SORL1: variants seen among roughly 807,000 people sequenced by gnomAD.
The protein encoded by SORL1 is sortilin-related receptor.
Under a neutral mutation model 273.7 loss-of-function variants are expected in SORL1, and 127 were observed. The ratio of observed to expected loss-of-function variants is 0.46; its 90% CI spans 0.40 to 0.54. The LOEUF is 0.54. SORL1 is among the 20% of genes least tolerant of loss of function. The pLI, the probability that SORL1 is intolerant of heterozygous loss-of-function variation, is 0.00. For missense variants in SORL1, 2,494 were observed against 2,846.1 expected, an observed-to-expected ratio of 0.88 and a Z score of 2.81; for synonymous variants, 1,031 against 1,067.4, an observed-to-expected ratio of 0.97 and a Z score of 0.66.
intron 38 of SORL1, chr11:121,610,699 G>A (rs1046836111): frequency 1.2e-5 from 2 of 167,300 alleles, no homozygotes; most frequent in East Asian, 1.7e-4. Context: ...TCAGCCTTCC[G>A]AAAGGACTTG....
At chr11:121,516,849 C>A (rs376124564) in intron 8 of SORL1, among the ~76,000 whole-genome samples, 1 of 151,898 alleles carries the variant, frequency 6.6e-6, no homozygotes, top group Non-Finnish European at 1.5e-5. Context: ...GTTAGGAGAT[C>A]GAGACCATCT....
At chr11:121,548,641 A>G (rs1862466895) in intron 14 of SORL1, among the ~76,000 whole-genome samples, 1 of 152,176 alleles carries the variant, frequency 6.6e-6, no homozygotes, top group Non-Finnish European at 1.5e-5. Flanking sequence ...ATCTTGGCTC[A>G]CTGCAACCTC....
rs947572565 is a variant in SORL1 at position 121,506,894 on chromosome 11, CT to C, written c.940-6102del. On this transcript the variant is annotated intron_variant, in intron 6 of 47. Transcript: ENST00000260197. Reference sequence around the variant, plus strand: ...GGATCCTTTATTACTTCATTACTGCCTTTTTTTGTATTAAATACAGATTTTC... The same window carrying C: ...GGATCCTTTATTACTTCATTACTGCCTTTTTTGTATTAAATACAGATTTTC... 2.6e-5 allele frequency among the ~76,000 whole-genome samples: 4 copies of C among 152,126 alleles called. No homozygotes were observed. In the South Asian group the frequency reaches 6.2e-4, roughly 24 times the overall value.
chr11:121,602,378 C>A (rs1388720996), intron 32 of SORL1, among the ~76,000 whole-genome samples: 1 of 152,162 alleles, frequency 6.6e-6, no homozygotes, highest in Non-Finnish European at 1.5e-5. Flanking sequence ...CCTAGAGACT[C>A]GTGCAAAGAA....
intron 3 of SORL1, among the ~76,000 whole-genome samples, chr11:121,480,408 A>G (rs929097593): frequency 3.3e-5 from 5 of 152,086 alleles, no homozygotes; most frequent in Admixed American, 6.5e-5. Context: ...GGATTTCTCA[A>G]TTTATTAAGT....
In SORL1 at chr11:121,452,654, C is replaced by T; in HGVS notation, c.285+38C>T. 2 of 1,412,416 alleles carry T rather than the reference C, an allele frequency of 1.4e-6. No individual in the cohort carries two copies. The highest frequency in any genetic ancestry group is 1.5e-5 in the South Asian group (1 of 66,586). 87.5% of individuals were successfully genotyped at this position (1,412,416 alleles called of 1,614,324 possible). A position where few individuals can be genotyped will look rare whatever the true frequency, so the allele number is the denominator to read the frequency against. ...GCAACCCGCCTCCCTCCAGTTTTTT[C>T]CTCTCCCTGCACTTCCTCACCCCCG... On this transcript the variant is annotated intron_variant, in intron 1 of 47. Coordinates refer to ENST00000260197, the MANE Select transcript of SORL1 (RefSeq NM_003105.6). This position sits in a 1 kb window ranked among gnomAD's most constrained non-coding sequence, Gnocchi z 5.3.
At chr11:121,476,954 G>A (rs1364915596) in intron 2 of SORL1, among the ~76,000 whole-genome samples, 1 of 151,594 alleles carries the variant, frequency 6.6e-6, no homozygotes, top group African/African-American at 2.4e-5. Context: ...ACCAAGCCAG[G>A]CTCATTTTTA....
chr11:121,561,015 A>G (rs926671236), intron 21 of SORL1, among the ~76,000 whole-genome samples: 1 of 152,196 alleles, frequency 6.6e-6, no homozygotes, highest in Non-Finnish European at 1.5e-5. Flanking sequence ...AGTGACTGAA[A>G]TCTTCAGACC....
intron 47 of SORL1, 82 bp from the exon 48 acceptor site, chr11:121,629,414 T>G (rs745538400): frequency 1.3e-6 from 1 of 784,514 alleles, no homozygotes; most frequent in Non-Finnish European, 2.3e-6. Flanking sequence ...GTGGTAGGGT[T>G]GAGGGGTGGG....
At chr11:121,560,880 C>G (rs1862662174) in intron 21 of SORL1, among the ~76,000 whole-genome samples, 1 of 152,154 alleles carries the variant, frequency 6.6e-6, no homozygotes, top group South Asian at 2.1e-4. Flanking sequence ...CCAAAATATC[C>G]TCACTAGTTT....
chr11:121,534,422 C>T (rs1862241880), intron 12 of SORL1, among the ~76,000 whole-genome samples: 1 of 152,212 alleles, frequency 6.6e-6, no homozygotes, highest in South Asian at 2.1e-4. Context: ...ATCATAAAGC[C>T]TTCCCCAGAC....
chr11:121,629,143 CA>C (rs1475799887), intron 47 of SORL1: 2 of 225,900 alleles, frequency 8.9e-6, no homozygotes, highest in East Asian at 1.9e-4. Flanking sequence ...CACTGAAGTT[CA>C]CTGTGCTAGT....
chr11:121,574,284 G>T lies in SORL1; in HGVS notation c.3381G>T (p.Glu1127Asp). ...CDLDTQFRCQESGTCIPLSYK... is the reference protein window; with the variant it reads ...CDLDTQFRCQDSGTCIPLSYK... ...TGGACACCCAGTTTCGTTGCCAGGA[G>T]TCTGGGACTTGTATCCCACTGTCCT... is the stretch of plus-strand genomic sequence containing the variant. Residue 1127 changes from glutamate to aspartate, a missense_variant, in exon 24 of 48, where the codon GAG becomes GAT. Glu to Asp is a conservative substitution (Grantham distance 45). Coordinates refer to ENST00000260197, the MANE Select transcript of SORL1 (RefSeq NM_003105.6). The T allele has an allele frequency of 6.2e-7, 1 of 1,613,674 alleles. No individual in the cohort carries two copies. The highest frequency in any genetic ancestry group is 2.2e-5 in the East Asian group (1 of 44,874).
chr11:121,587,725 C>G (rs1317055994), intron 27 of SORL1, among the ~76,000 whole-genome samples: 1 of 152,096 alleles, frequency 6.6e-6, no homozygotes, highest in Non-Finnish European at 1.5e-5. Context: ...TCACTTTTGG[C>G]TTCATCTTCA....
At chr11:121,479,453 T>C (rs1028988662) in intron 3 of SORL1, among the ~76,000 whole-genome samples, 1 of 152,204 alleles carries the variant, frequency 6.6e-6, no homozygotes, top group South Asian at 2.1e-4. Context: ...GGGTCCTCTT[T>C]CCAGTCCCTA....
At chr11:121,622,349 TGG>T in intron 45 of SORL1, 81 bp downstream of exon 45, 1 of 705,386 alleles carries the variant, frequency 1.4e-6, no homozygotes, top group Non-Finnish European at 2.4e-6. Context: ...GACAGCATGC[TGG>T]CATAGATAGT....
chr11:121,600,731 A>G (rs899095697), intron 32 of SORL1, among the ~76,000 whole-genome samples: 1 of 152,190 alleles, frequency 6.6e-6, no homozygotes, highest in African/African-American at 2.4e-5. Flanking sequence ...TAAAAATGAA[A>G]TGAGATTAGT....
intron 12 of SORL1, among the ~76,000 whole-genome samples, chr11:121,539,498 C>T (rs192500306): frequency 2.7e-3 from 414 of 152,262 alleles, no homozygotes; most frequent in African/African-American, 9.5e-3. Flanking sequence ...ATCTTTAAGT[C>T]TTTCAGTTCC....
chr11:121,604,849 A>T (rs539826415), intron 33 of SORL1, among the ~76,000 whole-genome samples: 1 of 152,196 alleles, frequency 6.6e-6, no homozygotes, highest in East Asian at 1.9e-4. Flanking sequence ...GATAATGATT[A>T]TGGCCTCCTG....
Sources: allele counts gnomAD v4.1 joint callset (sites outside exome capture counted in the v4.1 genomes callset), GRCh38; gene constraint gnomAD v4.1.1; non-coding constraint Gnocchi (gnomAD v3.1); transcripts MANE v1.5; gene names NCBI Gene and HGNC (gene_info 2026-07-23, HGNC 2026-07-21).